The following CSMD1 variants were observed in gnomAD, a reference collection of about 807,000 sequenced individuals.
CSMD1 encodes CUB and sushi domain-containing protein 1.
Under a neutral mutation model 417.5 loss-of-function variants are expected in CSMD1, and 213 were observed. The ratio of observed to expected loss-of-function variants is 0.51; its 90% confidence interval spans 0.46 to 0.57. The LOEUF is 0.57. Ranked by LOEUF, CSMD1 falls within the 20% of genes least tolerant of loss-of-function variation. The probability of loss-of-function intolerance (pLI) is 0.00; values close to 1 mark genes in which losing one functional copy is unlikely to be tolerated. For missense variants in CSMD1, 6,923 were observed against 4,529.7 expected, an observed-to-expected ratio of 1.53 and a Z score of -15.17; for synonymous variants, 2,862 against 1,736.8, an observed-to-expected ratio of 1.65 and a Z score of -16.11.
rs745378920 is a variant in CSMD1, at chr8:3,586,192, C to A, written c.1166G>T (p.Cys389Phe). 1 of 1,612,292 alleles carries A rather than the reference C, an allele frequency of 6.2e-7. No homozygotes were observed. Among genetic ancestry groups the A allele is most frequent in the Admixed American group, 1.7e-5 (1 of 59,774 alleles). The change falls in exon 9 of 70, where the codon TGT becomes TTT. Residue 389 changes from cysteine (C) to phenylalanine (F), a missense_variant. Cys to Phe is a radical substitution (Grantham distance 205, BLOSUM62 -2). Coordinates refer to ENST00000635120, the MANE Select transcript of CSMD1 (RefSeq NM_033225.6). ...YVLQGSKSIT[C>F]QRVTETLAAW... ...AGCGAGCGTCTCTGTAACTCTCTGA[C>A]AGGTGATGCTTTTAGATCCCTGGAG...
chr8:3,635,666 G>A (rs1471119724), intron 7 of CSMD1, among the ~76,000 whole-genome samples: 1 of 150,848 alleles, frequency 6.6e-6, no homozygotes, highest in Non-Finnish European at 1.5e-5. Context: ...GTATTTTTTA[G>A]TAGAGACGGG....
intron 1 of CSMD1, among the ~76,000 whole-genome samples, chr8:4,700,012 G>T (rs192009234): frequency 6.8e-4 from 103 of 152,192 alleles, no homozygotes; most frequent in African/African-American, 2.5e-3. Flanking sequence ...TCTTCATCTC[G>T]CTAATCTTAG....
chr8:4,932,845 G>T (rs992638052), intron 1 of CSMD1, among the ~76,000 whole-genome samples: 1 of 152,122 alleles, frequency 6.6e-6, no homozygotes, highest in Non-Finnish European at 1.5e-5. Context: ...TCAACTACAG[G>T]TCCTGTCGAC....
chr8:3,851,988 G>C (rs1013323776), intron 5 of CSMD1, among the ~76,000 whole-genome samples: 6 of 152,110 alleles, frequency 3.9e-5, no homozygotes, highest in Non-Finnish European at 5.9e-5. Flanking sequence ...ATAAAACTGA[G>C]AGCATGGAGG....
intron 5 of CSMD1, among the ~76,000 whole-genome samples, chr8:3,847,736 G>A (rs930744243): frequency 1.3e-5 from 2 of 152,164 alleles, no homozygotes; most frequent in East Asian, 3.9e-4. Context: ...CTCAATCCCT[G>A]ACACTGCAGT....
chr8:3,905,517 G>T (rs992237498), intron 5 of CSMD1, among the ~76,000 whole-genome samples: 1 of 152,228 alleles, frequency 6.6e-6, no homozygotes, highest in African/African-American at 2.4e-5. Flanking sequence ...CTGCTACCCA[G>T]CGTTTCTCAA....
chr8:4,064,484 G>A (rs1015248690), intron 3 of CSMD1, among the ~76,000 whole-genome samples: 3 of 152,192 alleles, frequency 2.0e-5, no homozygotes, highest in Non-Finnish European at 2.9e-5. Flanking sequence ...GTCTAGAGCT[G>A]CATGTGCCTG....
intron 5 of CSMD1, among the ~76,000 whole-genome samples, chr8:3,887,353 A>G (rs1028214421): frequency 3.9e-5 from 6 of 152,186 alleles, no homozygotes; most frequent in South Asian, 2.1e-4. Context: ...CAATAAAAGC[A>G]AGATAAATCA....
At chr8:4,424,288 A>G (rs1454247213) in intron 2 of CSMD1, among the ~76,000 whole-genome samples, 1 of 152,048 alleles carries the variant, frequency 6.6e-6, no homozygotes, top group Non-Finnish European at 1.5e-5. Flanking sequence ...CGCAAGCCAA[A>G]TATCTGACAA....
intron 1 of CSMD1, among the ~76,000 whole-genome samples, chr8:4,759,076 G>A (rs537842006): frequency 6.6e-6 from 1 of 152,312 alleles, no homozygotes; most frequent in South Asian, 2.1e-4. Flanking sequence ...ATATGCTCTG[G>A]GAGCAATATC....
intron 5 of CSMD1, among the ~76,000 whole-genome samples, chr8:3,789,877 G>T (rs539173039): frequency 6.6e-6 from 1 of 151,876 alleles, no homozygotes; most frequent in Admixed American, 6.6e-5. Flanking sequence ...GACTACAGCT[G>T]CCCACCACCA....
intron 2 of CSMD1, among the ~76,000 whole-genome samples, chr8:4,470,113 G>A (rs970833693): frequency 1.3e-5 from 2 of 151,764 alleles, no homozygotes; most frequent in Non-Finnish European, 2.9e-5. Flanking sequence ...CTCGTGATCC[G>A]CCCGCCTCGG....
At chr8:4,567,028 G>A (rs1245892558) in intron 2 of CSMD1, among the ~76,000 whole-genome samples, 7 of 152,152 alleles carry the variant, frequency 4.6e-5, no homozygotes, top group African/African-American at 1.7e-4. Context: ...GTATTAACTG[G>A]CGTCCTACGG....
chr8:3,436,147 T>G (rs7008537), intron 12 of CSMD1, among the ~76,000 whole-genome samples: 1 of 151,888 alleles, frequency 6.6e-6, no homozygotes, highest in Non-Finnish European at 1.5e-5. Flanking sequence ...TTTTTCTTTA[T>G]TGAATTTATT....
intron 29 of CSMD1, among the ~76,000 whole-genome samples, chr8:3,218,638 G>A (rs1024572818): frequency 2.6e-5 from 4 of 151,914 alleles, no homozygotes; most frequent in Admixed American, 6.6e-5. Flanking sequence ...TTGGGAGGCC[G>A]AGGCAGGTGG....
At chr8:4,063,229 C>G (rs371692122) in intron 3 of CSMD1, among the ~76,000 whole-genome samples, 113 of 151,614 alleles carry the variant, frequency 7.5e-4, no homozygotes, top group African/African-American at 2.6e-3. Context: ...GTGCATATTT[C>G]AAAATATCAC....
chr8:3,294,779 G>C (rs768709401), intron 25 of CSMD1, among the ~76,000 whole-genome samples: 1 of 152,170 alleles, frequency 6.6e-6, no homozygotes, highest in Non-Finnish European at 1.5e-5. Flanking sequence ...TCCTGGGTGA[G>C]TTGATGCCTC....
intron 1 of CSMD1, among the ~76,000 whole-genome samples, chr8:4,659,853 C>A (rs1056131300): frequency 6.6e-6 from 1 of 151,558 alleles, no homozygotes; most frequent in African/African-American, 2.4e-5. Flanking sequence ...ACATGCTAAA[C>A]AATAAAAATC....
intron 5 of CSMD1, among the ~76,000 whole-genome samples, chr8:3,772,116 T>C (rs1798604213): frequency 6.7e-6 from 1 of 148,860 alleles, no homozygotes; most frequent in Non-Finnish European, 1.5e-5. Context: ...GTGAGTGCTC[T>C]AAACTGTAAA....
Sources: gnomAD v4.1 joint callset for allele counts (sites outside exome capture counted in the v4.1 genomes callset) on GRCh38, gnomAD v4.1.1 for gene constraint, MANE v1.5 for transcripts, NCBI Gene and HGNC (gene_info 2026-07-23, HGNC 2026-07-21) for gene names.